The following ANO1 variants were observed in gnomAD, a reference collection of about 807,000 sequenced individuals.
ANO1 encodes anoctamin 1.
In ANO1, 59 loss-of-function variants were observed where a neutral mutation model predicts 124.0. The observed-to-expected ratio is 0.48, with a 90% CI of 0.39 to 0.59. The LOEUF (loss-of-function observed/expected upper bound fraction) is 0.59, where lower values mean the gene tolerates loss of function less well. Among genes scored for constraint, ANO1 ranks in the 20% least tolerant of loss-of-function variants. ANO1 has a pLI of 0.00. For synonymous variants in ANO1, 529 were observed against 532.0 expected (o/e 0.99, Z 0.08); for missense variants, 1,059 against 1,328.0 (o/e 0.80, Z 3.15).
At chr11:70,079,584 C>T (rs2044143022) in intron 1 of ANO1, among the ~76,000 whole-genome samples, 2 of 152,156 alleles carry the variant, frequency 1.3e-5, no homozygotes, top group South Asian at 4.1e-4. Context: ...CTGGGACTGG[C>T]TATCTCCTCT....
upstream of ANO1, among the ~76,000 whole-genome samples, chr11:69,982,527 T>C (rs10793047): frequency 0.62 from 93,970 of 152,152 alleles, 29,972 homozygotes; most frequent in East Asian, 0.86. Flanking sequence ...ATGCAAATAA[T>C]AATGCCCTCT....
At chr11:70,072,204 T>C (rs1857888074) in intron 1 of ANO1, among the ~76,000 whole-genome samples, 1 of 152,200 alleles carries the variant, frequency 6.6e-6, no homozygotes, top group South Asian at 2.1e-4. Context: ...GTGATGCTCC[T>C]GGCTCATGTT....
chr11:70,010,179 G>GTATGTGTGTGTGTGTATATATATATATA (rs1188271051), intron 1 of ANO1, among the ~76,000 whole-genome samples: 2 of 83,776 alleles, frequency 2.4e-5, no homozygotes, highest in Non-Finnish European at 4.8e-5. Flanking sequence ...GTGTGTGTGT[G>GTATGTGTGTGTGTGTATATATATATATA]TATATATATA....
At chr11:70,129,496 C>G (rs1224780118) in intron 10 of ANO1, 1 of 152,238 alleles carries the variant, frequency 6.6e-6, no homozygotes, top group African/African-American at 2.4e-5. Context: ...TGCCTACTCA[C>G]CCTGCCCGAC....
the ANO1 span, among the ~76,000 whole-genome samples, chr11:69,972,275 C>T: frequency 3.3e-5 from 5 of 151,460 alleles, no homozygotes; most frequent in African/African-American, 9.7e-5. Context: ...TTGAAAATGC[C>T]GGCGTTATCT....
At chr11:70,029,930 C>T (rs1309212211) in intron 1 of ANO1, among the ~76,000 whole-genome samples, 2 of 152,208 alleles carry the variant, frequency 1.3e-5, no homozygotes, top group African/African-American at 2.4e-5. Flanking sequence ...CTTATAAAAA[C>T]TCCACTCATT....
At chr11:70,085,327 G>A (rs2044329912) in intron 1 of ANO1, 7 of 1,352,860 alleles carry the variant, frequency 5.2e-6, no homozygotes, top group African/African-American at 1.5e-5. Context: ...TTCCCCCTGA[G>A]CCCTCCCAAG....
rs1164481844 is a variant in ANO1, at chr11:70,048,471, TG to T, written c.59-30064del. ...TAATCAAGTTTTTGAGATTAGGCAA[TG>T]GGGGGGTGGTGTGGTTTATCGATTA... On this transcript the variant is annotated intron_variant, in intron 1 of 27. Coordinates refer to the ANO1 transcript ENST00000531349. Among the ~76,000 whole-genome samples, 4 of 152,144 alleles carry T rather than the reference TG, an allele frequency of 2.6e-5. No individual in the cohort carries two copies. The East Asian group carries it at 7.7e-4, about 29-fold the overall frequency.
At chr11:70,164,497 G>A (rs2048178926) in intron 19 of ANO1, among the ~76,000 whole-genome samples, 1 of 152,212 alleles carries the variant, frequency 6.6e-6, no homozygotes, top group South Asian at 2.1e-4. Context: ...GGGTCAGAAA[G>A]TCATATAATA....
Position 70,116,490 on chromosome 11 carries a change from C to T in ANO1, c.888C>T (p.Asn296=), listed in dbSNP as rs771280216. Residue 296 remains asparagine (N), a synonymous_variant, in exon 8 of 26, where the codon AAC becomes AAT. Coordinates refer to ENST00000355303, the MANE Select transcript of ANO1 (RefSeq NM_018043.7). The part of the protein sequence containing the change: ...GDYNGENVEF[N]DRKLLYEEWA... ...ACAACGGTGAAAACGTCGAGTTCAA[C>T]GACAGAAAAGTAAGTTGATGGAGCG... is the stretch of plus-strand genomic sequence containing the variant. The T allele has an allele frequency of 5.6e-6, 9 of 1,596,784 alleles. No individual in the cohort carries two copies. Among genetic ancestry groups the T allele is most frequent in the East Asian group, 4.5e-5 (2 of 44,236 alleles).
chr11:70,126,281 G>A, intron 10 of ANO1, 86 bp downstream of exon 10: 1 of 1,468,392 alleles, frequency 6.8e-7, no homozygotes, highest in Non-Finnish European at 9.1e-7. Flanking sequence ...TTGGGACACT[G>A]GCCTCTCACA....
chr11:70,159,402 G>A (rs1012220869), intron 16 of ANO1, among the ~76,000 whole-genome samples: 3 of 152,208 alleles, frequency 2.0e-5, no homozygotes, highest in Non-Finnish European at 4.4e-5. Context: ...TCAGCAAGGC[G>A]GGATGGTAGA....
intron 1 of ANO1, among the ~76,000 whole-genome samples, chr11:69,989,079 T>A (rs1461924753): frequency 1.3e-5 from 2 of 152,144 alleles, no homozygotes; most frequent in African/African-American, 4.8e-5. Flanking sequence ...CAGTCACCCA[T>A]GGAAGCCCTG....
intron 22 of ANO1, among the ~76,000 whole-genome samples, chr11:70,177,698 C>A (rs1014092839): frequency 1.5e-5 from 2 of 135,656 alleles, no homozygotes; most frequent in African/African-American, 5.4e-5. Context: ...CCCCCGGGTT[C>A]AAGCGATTCT....
At chr11:70,180,987 C>T (rs994942520) in intron 23 of ANO1, among the ~76,000 whole-genome samples, 2 of 152,108 alleles carry the variant, frequency 1.3e-5, no homozygotes, top group African/African-American at 2.4e-5. Flanking sequence ...TAGGATGGCC[C>T]GGCCCTCAGC....
At chr11:69,991,487 G>A (rs893471425) in intron 1 of ANO1, among the ~76,000 whole-genome samples, 1 of 152,344 alleles carries the variant, frequency 6.6e-6, no homozygotes, top group East Asian at 1.9e-4. Flanking sequence ...CAAATGCAAA[G>A]GCTGGAGGAA....
In ANO1 at chr11:70,137,115, T is replaced by C. The variant is rs1297460076; in HGVS notation, c.1258+5036T>C. 2.7e-5 allele frequency among the ~76,000 whole-genome samples: 4 copies of C among 147,600 alleles called. 1 individual carries two copies. Among genetic ancestry groups the C allele is most frequent in the Non-Finnish European group, 6.0e-5 (4 of 66,260 alleles). ...AGGCCTACAACCCAGCTCTGGTTTT[T>C]AATTTGGGGATCAAAATGTATCGTA... On this transcript the variant is annotated intron_variant, in intron 11 of 25. Transcript: ENST00000355303.
At chr11:70,157,739 C>A (rs2047875549) in intron 16 of ANO1, among the ~76,000 whole-genome samples, 1 of 152,122 alleles carries the variant, frequency 6.6e-6, no homozygotes, top group Admixed American at 6.5e-5. Context: ...CACCTGTATT[C>A]CCAGCACTTT....
At chr11:69,973,021 T>A in the ANO1 span, among the ~76,000 whole-genome samples, 1 of 151,622 alleles carries the variant, frequency 6.6e-6, no homozygotes, top group South Asian at 2.1e-4. Flanking sequence ...GCAATTCTCC[T>A]GCCTCAGCCT....
Sources: allele counts gnomAD v4.1 joint callset (sites outside exome capture counted in the v4.1 genomes callset), GRCh38; gene constraint gnomAD v4.1.1; transcripts MANE v1.5; gene names NCBI Gene and HGNC (gene_info 2026-07-23, HGNC 2026-07-21).